The following USP48 variants were observed in gnomAD, a reference collection of about 807,000 sequenced individuals.
USP48 encodes ubiquitin carboxyl-terminal hydrolase 48.
A neutral mutation model predicts 150.7 loss-of-function variants in USP48; 43 were observed. The ratio of observed to expected loss-of-function variants is 0.29; its 90% confidence interval spans 0.22 to 0.37. The LOEUF (loss-of-function observed/expected upper bound fraction) is 0.37. Ranked by LOEUF, USP48 falls within the 10% of genes least tolerant of loss-of-function variation. The pLI is 1.00. For missense variants in USP48, 813 were observed against 1,249.6 expected (o/e 0.65, Z 5.27); for synonymous variants, 396 against 425.9 (o/e 0.93, Z 0.86).
chr1:21,731,189 AAACAG>A (rs1400332032), intron 9 of USP48, among the ~76,000 whole-genome samples: 2 of 152,246 alleles, frequency 1.3e-5, no homozygotes, highest in African/African-American at 4.8e-5. Flanking sequence ...TCATTTTAGT[AAACAG>A]ATTTTCTTCA....
chr1:21,716,761 G>A, intron 14 of USP48, among the ~76,000 whole-genome samples: 1 of 152,210 alleles, frequency 6.6e-6, no homozygotes, highest in Non-Finnish European at 1.5e-5. Context: ...AGGCGTGGTG[G>A]CTCACGCCTG....
At chr1:21,682,514 A>G (rs964762032) in intron 25 of USP48, among the ~76,000 whole-genome samples, 2 of 151,228 alleles carry the variant, frequency 1.3e-5, no homozygotes, top group Admixed American at 6.6e-5. Flanking sequence ...TTTCCTCGAC[A>G]TATCTTGGTC....
chr1:21,731,248 A>G (rs2097756033), intron 9 of USP48, among the ~76,000 whole-genome samples: 1 of 152,162 alleles, frequency 6.6e-6, no homozygotes, highest in Admixed American at 6.5e-5. Context: ...TAATTGCCCA[A>G]ATAAATAAAA....
intron 9 of USP48, among the ~76,000 whole-genome samples, chr1:21,735,224 A>G (rs1006158383): frequency 6.6e-6 from 1 of 152,246 alleles, no homozygotes; most frequent in African/African-American, 2.4e-5. Flanking sequence ...ATTTGCCTTC[A>G]AGCTTTACTG....
At chr1:21,719,884 CAAATAAAT>C (rs542684922) in intron 14 of USP48, among the ~76,000 whole-genome samples, 3 of 151,122 alleles carry the variant, frequency 2.0e-5, no homozygotes, top group African/African-American at 7.3e-5. Context: ...AACTCCATCT[CAAATAAAT>C]AAATAAATAA....
intron 26 of USP48, among the ~76,000 whole-genome samples, chr1:21,680,064 C>T (rs1187930017): frequency 6.6e-6 from 1 of 152,186 alleles, no homozygotes; most frequent in African/African-American, 2.4e-5. Flanking sequence ...GTAATGGTAG[C>T]ATGCAGACAA....
Position 21,680,742 on chromosome 1 carries a change from C to T in USP48, c.3085+66G>A, listed in dbSNP as rs1018139383. 105 of 1,437,270 alleles carry T rather than the reference C, an allele frequency of 7.3e-5. 1 individual carries two copies. The highest frequency in any genetic ancestry group is 2.3e-4 in the South Asian group (18 of 77,356). The allele number at this position is 1,437,270 out of a possible 1,614,324, so 89.0% of individuals were successfully genotyped here. A position where few individuals can be genotyped will look rare whatever the true frequency, so the allele number is the denominator to read the frequency against. ...AAATTTAAAATCAAATTATAGCCTT[C>T]GCTTTAACAGAAAATTACAGGATGA... On this transcript the variant is annotated intron_variant, in intron 26 of 26. Transcript: ENST00000308271.
At chr1:21,765,614 C>CAAA (rs11399093) in intron 1 of USP48, among the ~76,000 whole-genome samples, 14 of 143,700 alleles carry the variant, frequency 9.7e-5, no homozygotes, top group Non-Finnish European at 1.8e-4. Context: ...GAGACTCTGT[C>CAAA]AAAAAAAAAA....
At chr1:21,701,928 C>T (rs771006406) in intron 21 of USP48, among the ~76,000 whole-genome samples, 9 of 152,102 alleles carry the variant, frequency 5.9e-5, no homozygotes, top group African/African-American at 9.7e-5. Context: ...GACACCTTCC[C>T]GAGCACACTG....
At position 21,766,295 on chromosome 1, in the gene USP48, C is replaced by T. The variant is rs183384608; in HGVS notation, c.135-8512G>A. Among the ~76,000 whole-genome samples the T allele has an allele frequency of 8.6e-5, 13 of 152,032 alleles. No homozygotes were observed. The East Asian group carries it at 2.5e-3, about 29-fold the overall frequency. ...GGCTGTCATGAGAATCACTTGAACC[C>T]GGGAGGCGGAGGTTGCAGTGAGCTG... On this transcript the variant is annotated intron_variant, in intron 1 of 26. Coordinates refer to ENST00000308271, the MANE Select transcript of USP48 (RefSeq NM_032236.8).
At chr1:21,759,909 A>G (rs1209155402) in intron 1 of USP48, among the ~76,000 whole-genome samples, 1 of 152,214 alleles carries the variant, frequency 6.6e-6, no homozygotes, top group Non-Finnish European at 1.5e-5. Context: ...CAATATTTAC[A>G]ATGTCTCAAA....
At chr1:21,733,587 TAA>T (rs988183016) in intron 9 of USP48, among the ~76,000 whole-genome samples, 2 of 152,194 alleles carry the variant, frequency 1.3e-5, no homozygotes, top group African/African-American at 4.8e-5. Context: ...ATATGCTGCA[TAA>T]AATAGTGAGT....
At chr1:21,727,934 C>T in intron 11 of USP48, 15 of 984,810 alleles carry the variant, frequency 1.5e-5, no homozygotes, top group Non-Finnish European at 1.7e-5. Flanking sequence ...GAATTCATGT[C>T]TTTAAAATGA....
chr1:21,761,505 T>C (rs1015236692), intron 1 of USP48, among the ~76,000 whole-genome samples: 1 of 152,168 alleles, frequency 6.6e-6, no homozygotes, highest in Non-Finnish European at 1.5e-5. Context: ...TTTTTATACC[T>C]TTCAGACTTT....
chr1:21,687,273 A>G lies in USP48; in HGVS notation c.3010-34T>C, dbSNP rs142744733. 1.0e-4 allele frequency: 166 copies of G among 1,599,626 alleles called. 1 individual carries two copies. In the East Asian group the frequency reaches 3.0e-3, roughly 29 times the overall value. On this transcript the variant is annotated intron_variant, in intron 24 of 26. Transcript: ENST00000308271. ...CAAATGAAGACAATTCAAAACCACAAGGGAGAGGGAGTCTGAAATTTGAAG... is the reference window on the plus strand; with the variant it reads ...CAAATGAAGACAATTCAAAACCACAGGGGAGAGGGAGTCTGAAATTTGAAG...
chr1:21,770,733 C>T (rs892207626), intron 1 of USP48, among the ~76,000 whole-genome samples: 3 of 151,680 alleles, frequency 2.0e-5, no homozygotes, highest in South Asian at 2.1e-4. Context: ...CCGCCTGCAT[C>T]GGCCTCCCAA....
At chr1:21,733,233 T>A (rs562162177) in intron 9 of USP48, among the ~76,000 whole-genome samples, 1 of 152,180 alleles carries the variant, frequency 6.6e-6, no homozygotes, top group Admixed American at 6.5e-5. Flanking sequence ...CTGGCCAACA[T>A]GGTGAAACCC....
At chr1:21,697,535 C>T (rs1434196160) in intron 22 of USP48, among the ~76,000 whole-genome samples, 10 of 151,728 alleles carry the variant, frequency 6.6e-5, no homozygotes, top group Admixed American at 2.6e-4. Context: ...TGGTGGTGGG[C>T]GCCTGTAGTC....
chr1:21,750,817 G>A (rs1162901108), intron 6 of USP48, among the ~76,000 whole-genome samples: 1 of 151,954 alleles, frequency 6.6e-6, no homozygotes, highest in Non-Finnish European at 1.5e-5. Context: ...GGGAGGCGGA[G>A]GTTGCAATGA....
Sources: allele counts gnomAD v4.1 joint callset (sites outside exome capture counted in the v4.1 genomes callset), GRCh38; gene constraint gnomAD v4.1.1; transcripts MANE v1.5; gene names NCBI Gene and HGNC (gene_info 2026-07-23, HGNC 2026-07-21).